Variants in SERP2 observed in about 807,000 individuals in gnomAD.
The protein encoded by SERP2 is stress-associated endoplasmic reticulum protein 2.
Under a neutral mutation model 9.1 loss-of-function variants are expected in SERP2, and 6 were observed. That is an observed-to-expected ratio of 0.66 (90% confidence interval 0.36 to 1.30). The LOEUF (loss-of-function observed/expected upper bound fraction) is 1.30, where lower values mean the gene tolerates loss of function less well. SERP2 is among the 50% of genes most tolerant of loss of function. The probability of loss-of-function intolerance (pLI) is 0.03; values close to 1 mark genes in which losing one functional copy is unlikely to be tolerated. For synonymous variants in SERP2, 37 were observed against 27.3 expected, an observed-to-expected ratio of 1.35 and a Z score of -1.10; for missense variants, 58 against 81.9, an observed-to-expected ratio of 0.71 and a Z score of 1.13.
At chr13:44,396,048 A>G (rs1277567397) in intron 2 of SERP2, 1 of 251,670 alleles carries the variant, frequency 4.0e-6, no homozygotes, top group Non-Finnish European at 8.0e-6. Flanking sequence ...ATGAAAAGTT[A>G]GCATTGAAAT....
At chr13:44,385,920 G>T (rs563874428) in intron 2 of SERP2, among the ~76,000 whole-genome samples, 26 of 152,276 alleles carry the variant, frequency 1.7e-4, no homozygotes, top group African/African-American at 6.0e-4. Context: ...GGGACCATCG[G>T]TTGTGCTGTG....
chr13:44,387,034 C>T (rs1046158917), intron 2 of SERP2, among the ~76,000 whole-genome samples: 2 of 152,184 alleles, frequency 1.3e-5, no homozygotes, highest in Non-Finnish European at 1.5e-5. Flanking sequence ...GGTTTTGAAA[C>T]CTGCCTCTTT....
At chr13:44,379,773 G>T in intron 2 of SERP2, 60 bp downstream of exon 2, 1 of 1,145,820 alleles carries the variant, frequency 8.7e-7, no homozygotes, top group Non-Finnish European at 1.3e-6. Context: ...AAAAACACAC[G>T]TTTTCTTCAC....
chr13:44,383,871 T>C (rs1872167957), intron 2 of SERP2, among the ~76,000 whole-genome samples: 2 of 152,098 alleles, frequency 1.3e-5, no homozygotes. Flanking sequence ...CTTTCAATGA[T>C]GCTGACTTAA....
chr13:44,384,853 T>C (rs1431250986), intron 2 of SERP2, among the ~76,000 whole-genome samples: 1 of 152,262 alleles, frequency 6.6e-6, no homozygotes, highest in Non-Finnish European at 1.5e-5. Flanking sequence ...TGATCATTGA[T>C]GTGAGTCTCT....
At chr13:44,391,549 A>G (rs979213820) in intron 2 of SERP2, among the ~76,000 whole-genome samples, 3 of 152,186 alleles carry the variant, frequency 2.0e-5, no homozygotes, top group African/African-American at 7.2e-5. Flanking sequence ...AAACTGTACA[A>G]TTTCAGCCAT....
At chr13:44,387,406 C>T (rs1344290460) in intron 2 of SERP2, among the ~76,000 whole-genome samples, 3 of 152,280 alleles carry the variant, frequency 2.0e-5, no homozygotes, top group South Asian at 2.1e-4. Flanking sequence ...GGCAGGGCCA[C>T]GTTCTCATCT....
chr13:44,383,072 G>A (rs1309830007), intron 2 of SERP2, among the ~76,000 whole-genome samples: 2 of 152,148 alleles, frequency 1.3e-5, no homozygotes, highest in Non-Finnish European at 2.9e-5. Flanking sequence ...ACTATGTGGC[G>A]GTGGCATGGT....
At chr13:44,374,290 T>A (rs1871507110) in intron 1 of SERP2, among the ~76,000 whole-genome samples, 181 bp downstream of exon 1, 1 of 152,132 alleles carries the variant, frequency 6.6e-6, no homozygotes, top group South Asian at 2.1e-4. Context: ...CGCGGTCTGC[T>A]TGGCGTCCTC....
chr13:44,377,213 T>C (rs1005164339), intron 1 of SERP2, among the ~76,000 whole-genome samples: 1 of 152,266 alleles, frequency 6.6e-6, no homozygotes, highest in African/African-American at 2.4e-5. Flanking sequence ...TCATCTGTTT[T>C]TTCTGCATAT....
At chr13:44,373,712 G>A (rs1002814057), upstream of SERP2, 2 of 333,692 alleles carry the variant, frequency 6.0e-6, no homozygotes, top group African/African-American at 2.2e-5. This position sits in a 1 kb window ranked among gnomAD's most constrained non-coding sequence, Gnocchi z 4.8. Context: ...CCGGCCGCTC[G>A]GCGCGGGAGG....
chr13:44,374,555 C>A (rs1023799157), intron 1 of SERP2, among the ~76,000 whole-genome samples: 3 of 152,168 alleles, frequency 2.0e-5, no homozygotes, highest in African/African-American at 7.2e-5. Flanking sequence ...CTAGTATGTT[C>A]TAGAACGTTT....
chr13:44,378,659 C>A (rs1391129349), intron 1 of SERP2, among the ~76,000 whole-genome samples: 1 of 151,348 alleles, frequency 6.6e-6, no homozygotes, highest in Non-Finnish European at 1.5e-5. Flanking sequence ...TTAGTGAGTT[C>A]TTTGTTGTTG....
chr13:44,374,521 G>A (rs1375276395), intron 1 of SERP2, among the ~76,000 whole-genome samples: 1 of 152,166 alleles, frequency 6.6e-6, no homozygotes, highest in Non-Finnish European at 1.5e-5. Flanking sequence ...GTTCTAGAAC[G>A]TTGCATGACA....
chr13:44,377,423 G>A (rs777786377), intron 1 of SERP2, among the ~76,000 whole-genome samples: 20 of 152,204 alleles, frequency 1.3e-4, no homozygotes, highest in Non-Finnish European at 2.1e-4. Flanking sequence ...TGGGAAGGGC[G>A]AATGTCACAC....
chr13:44,390,429 ACCCCACCC>A, intron 2 of SERP2: 1 of 456,402 alleles, frequency 2.2e-6, no homozygotes, highest in South Asian at 1.5e-5. Context: ...AGAGGGAGTC[ACCCCACCC>A]CCAAGACCGG....
Position 44,373,952 on chromosome 13 carries a change from C to G in SERP2, c.-74C>G. 1 of 1,393,764 alleles carries G rather than the reference C, an allele frequency of 7.2e-7. No individual in the cohort carries two copies. The highest frequency in any genetic ancestry group is 9.8e-7 in the Non-Finnish European group (1 of 1,019,732). The allele number at this position is 1,393,764 out of a possible 1,614,324, so 86.3% of individuals were successfully genotyped here. On this transcript the variant is annotated 5_prime_UTR_variant, in exon 1 of 3. Transcript: ENST00000379179. This position sits in a 1 kb window ranked among gnomAD's most constrained non-coding sequence, Gnocchi z 4.8. Reference sequence around the variant, plus strand: ...GTGGGCCGCGGGGGCCTCGGCGGGACGCGCTCGGCCCTGTCGCAGGAGCTA... The same window carrying G: ...GTGGGCCGCGGGGGCCTCGGCGGGAGGCGCTCGGCCCTGTCGCAGGAGCTA...
chr13:44,380,907 A>G lies in SERP2; in HGVS notation c.157+1194A>G, dbSNP rs116935607. On this transcript the variant is annotated intron_variant, in intron 2 of 2. Transcript: ENST00000379179. The stretch of plus-strand genomic sequence containing the variant: ...CTGTCTTCTCAGTTGTTCAGATTTG[A>G]ACTCCTAGGGTAACACAGAATGGAC... Among the ~76,000 whole-genome samples the G allele has an allele frequency of 1.2e-3, 176 of 152,236 alleles. 2 individuals are homozygous for G. The highest frequency in any genetic ancestry group is 1.9e-3 in the Non-Finnish European group (128 of 68,006).
At chr13:44,375,539 G>A (rs1357128377) in intron 1 of SERP2, among the ~76,000 whole-genome samples, 4 of 152,108 alleles carry the variant, frequency 2.6e-5, no homozygotes, top group Admixed American at 6.5e-5. Context: ...ATGGCTGCCC[G>A]GGTTGACATT....
Sources: gnomAD v4.1 joint callset for allele counts (sites outside exome capture counted in the v4.1 genomes callset) on GRCh38, gnomAD v4.1.1 for gene constraint, Gnocchi (gnomAD v3.1) non-coding constraint, MANE v1.5 for transcripts, NCBI Gene and HGNC (gene_info 2026-07-23, HGNC 2026-07-21) for gene names.